The following TCF7L2 variants were observed in gnomAD, a reference collection of about 807,000 sequenced individuals.
The protein encoded by TCF7L2 is transcription factor 7-like 2.
In TCF7L2, 23 loss-of-function variants were observed where a neutral mutation model predicts 77.9. The observed-to-expected ratio is 0.30, with a 90% CI of 0.21 to 0.42. The LOEUF (loss-of-function observed/expected upper bound fraction) is 0.42. Among genes scored for constraint, TCF7L2 ranks in the 10% least tolerant of loss-of-function variants. The pLI is 1.00. For missense variants in TCF7L2, 654 were observed against 793.1 expected (o/e 0.82, Z 2.11); for synonymous variants, 413 against 340.2 (o/e 1.21, Z -2.36).
At chr10:112,996,924 G>GGA (rs758237198) in intron 4 of TCF7L2, among the ~76,000 whole-genome samples, 4 of 152,182 alleles carry the variant, frequency 2.6e-5, no homozygotes, top group Non-Finnish European at 5.9e-5. Context: ...TTTGGCTTGG[G>GGA]GAGAGAGAGG....
At chr10:112,991,904 A>T (rs1308191865) in intron 4 of TCF7L2, among the ~76,000 whole-genome samples, 2 of 152,220 alleles carry the variant, frequency 1.3e-5, no homozygotes, top group African/African-American at 4.8e-5. Flanking sequence ...CCACATACAG[A>T]GGTGGCTGTT....
At chr10:113,156,666 C>G (rs922645835) in intron 11 of TCF7L2, among the ~76,000 whole-genome samples, 1 of 152,172 alleles carries the variant, frequency 6.6e-6, no homozygotes, top group Non-Finnish European at 1.5e-5. Context: ...TTTGCAACCT[C>G]GAGCAGATGG....
intron 5 of TCF7L2, among the ~76,000 whole-genome samples, chr10:113,110,552 C>A (rs1038485266): frequency 6.6e-6 from 1 of 152,136 alleles, no homozygotes; most frequent in Admixed American, 6.5e-5. Flanking sequence ...GGAAGCTCTT[C>A]TTCTCACAAG....
chr10:113,089,327 G>A, intron 5 of TCF7L2: 2 of 1,518,154 alleles, frequency 1.3e-6, no homozygotes, highest in South Asian at 1.3e-5. Context: ...AAGGCTGGGG[G>A]CTGTGTGTGC....
chr10:113,105,772 G>A (rs1191200592), intron 5 of TCF7L2, among the ~76,000 whole-genome samples: 1 of 152,146 alleles, frequency 6.6e-6, no homozygotes, highest in Non-Finnish European at 1.5e-5. Flanking sequence ...GCATTCCAGG[G>A]TCTTACAGTT....
At chr10:113,104,692 C>T in intron 5 of TCF7L2, among the ~76,000 whole-genome samples, 2 of 152,194 alleles carry the variant, frequency 1.3e-5, no homozygotes, top group East Asian at 3.9e-4. Flanking sequence ...CTCAGCATTA[C>T]TGAGCTCTAC....
chr10:112,981,615 G>A (rs1564740822), intron 4 of TCF7L2, among the ~76,000 whole-genome samples: 1 of 152,182 alleles, frequency 6.6e-6, no homozygotes, highest in Non-Finnish European at 1.5e-5. Context: ...TTGCATAGCA[G>A]TGAAAGGAGC....
At chr10:113,130,781 T>C (rs1057501816) in intron 5 of TCF7L2, among the ~76,000 whole-genome samples, 18 of 151,800 alleles carry the variant, frequency 1.2e-4, no homozygotes, top group African/African-American at 4.3e-4. Context: ...ATTATTATTT[T>C]TGAGACGGAG....
intron 7 of TCF7L2, among the ~76,000 whole-genome samples, chr10:113,144,953 C>T (rs189207786): frequency 6.6e-6 from 1 of 152,180 alleles, no homozygotes; most frequent in East Asian, 1.9e-4. Context: ...CTCTGAACAA[C>T]ACAGGACAAT....
intron 8 of TCF7L2, among the ~76,000 whole-genome samples, chr10:113,147,222 A>G (rs1300226373): frequency 1.3e-5 from 2 of 152,340 alleles, no homozygotes; most frequent in Non-Finnish European, 1.5e-5. Flanking sequence ...TGAAATTAGC[A>G]TGCGTTACAT....
chr10:112,966,177 AATATATTTATATATATAT>A (rs1393164466), intron 4 of TCF7L2, among the ~76,000 whole-genome samples: 1 of 45,126 alleles, frequency 2.2e-5, no homozygotes, highest in African/African-American at 1.3e-4. Flanking sequence ...CTCTGTCTAA[AATATATTTATATATATAT>A]ATATATATAT....
At position 113,021,314 on chromosome 10, in the gene TCF7L2, A is replaced by G. The variant is rs570114960; in HGVS notation, c.451-18711A>G. 9.9e-5 allele frequency among the ~76,000 whole-genome samples: 15 copies of G among 152,162 alleles called. No homozygotes were observed. The South Asian group carries it at 1.2e-3, about 13-fold the overall frequency. On this transcript the variant is annotated intron_variant, in intron 4 of 13. Transcript: ENST00000627217. ...ATGTTAGATGATTCTGCTACTTATT[A>G]TTGTTTTCTTTTTCTCACCACACAC...
chr10:113,167,242 A>G lies in TCF7L2; in HGVS notation c.*1270A>G, dbSNP rs1415714335. 4.4e-6 allele frequency: 1 copy of G among 228,826 alleles called. No individual in the cohort carries two copies. The highest frequency in any genetic ancestry group is 8.7e-6 in the Non-Finnish European group (1 of 115,444). The allele number at this position is 228,826 out of a possible 1,614,324, so 14.2% of individuals were successfully genotyped here. A position where few individuals can be genotyped will look rare whatever the true frequency, so the allele number is the denominator to read the frequency against. On this transcript the variant is annotated 3_prime_UTR_variant, in exon 14 of 14. Transcript: ENST00000627217. ...CAGAAAGCATTTTAAATGAAGAGGT[A>G]TAAACCCTTAAGGGCCAAAATTCTG...
At chr10:113,032,135 A>G (rs1035456790) in intron 4 of TCF7L2, among the ~76,000 whole-genome samples, 2 of 152,176 alleles carry the variant, frequency 1.3e-5, no homozygotes, top group Admixed American at 6.5e-5. Context: ...CGTAATTTGA[A>G]GAGCGACTTT....
chr10:113,050,947 T>C (rs2054314317), intron 5 of TCF7L2, among the ~76,000 whole-genome samples: 1 of 152,096 alleles, frequency 6.6e-6, no homozygotes, highest in Non-Finnish European at 1.5e-5. Flanking sequence ...GCATAAGAAA[T>C]CAAACATTCA....
chr10:113,148,549 A>G (rs1281057499), intron 8 of TCF7L2, among the ~76,000 whole-genome samples: 1 of 152,210 alleles, frequency 6.6e-6, no homozygotes, highest in Non-Finnish European at 1.5e-5. Flanking sequence ...ACGTGTCAAC[A>G]GTGAAGTAAA....
At chr10:112,990,750 G>C (rs1390753849) in intron 4 of TCF7L2, among the ~76,000 whole-genome samples, 6 of 152,082 alleles carry the variant, frequency 3.9e-5, no homozygotes, top group Non-Finnish European at 7.4e-5. Context: ...AAATTAGCTA[G>C]CCAAGCTGCT....
intron 4 of TCF7L2, among the ~76,000 whole-genome samples, chr10:112,993,463 A>T (rs1204319344): frequency 6.6e-6 from 1 of 151,960 alleles, no homozygotes; most frequent in Admixed American, 6.6e-5. Flanking sequence ...CCGAGATCAC[A>T]CCACTGGACT....
chr10:112,951,114 C>A, intron 1 of TCF7L2, 93 bp from the exon 2 acceptor site: 5 of 1,276,508 alleles, frequency 3.9e-6, no homozygotes, highest in Non-Finnish European at 5.4e-6. Flanking sequence ...TTTTCTACCC[C>A]CCCCTCGACC....
Sources: allele counts gnomAD v4.1 joint callset (sites outside exome capture counted in the v4.1 genomes callset), GRCh38; gene constraint gnomAD v4.1.1; transcripts MANE v1.5; gene names NCBI Gene and HGNC (gene_info 2026-07-23, HGNC 2026-07-21).